Variants in TMEM108 observed in about 807,000 individuals in gnomAD.
The protein encoded by TMEM108 is cancer/testis antigen 124.
A neutral mutation model predicts 35.1 loss-of-function variants in TMEM108; 12 were observed. The ratio of observed to expected loss-of-function variants is 0.34; its 90% CI spans 0.22 to 0.55. TMEM108 has a LOEUF of 0.55. TMEM108 is among the 20% of genes least tolerant of loss of function. The pLI, the probability that TMEM108 is intolerant of heterozygous loss-of-function variation, is 0.89. For synonymous variants in TMEM108, 287 were observed against 308.6 expected (o/e 0.93, Z 0.73); for missense variants, 680 against 753.3 (o/e 0.90, Z 1.14).
At chr3:133,356,799 C>T (rs767211116) in intron 3 of TMEM108, among the ~76,000 whole-genome samples, 1 of 152,084 alleles carries the variant, frequency 6.6e-6, no homozygotes, top group Non-Finnish European at 1.5e-5. Flanking sequence ...CCCTATCCCT[C>T]GCCTTATACA....
chr3:133,276,966 G>C (rs1005839600), intron 3 of TMEM108, among the ~76,000 whole-genome samples: 1 of 152,160 alleles, frequency 6.6e-6, no homozygotes, highest in Non-Finnish European at 1.5e-5. Flanking sequence ...ATTCAGTGGG[G>C]TACACTCAGG....
intron 3 of TMEM108, among the ~76,000 whole-genome samples, chr3:133,286,007 G>C (rs112461965): frequency 0.01 from 1,586 of 152,306 alleles, 25 homozygotes; most frequent in African/African-American, 0.035. Flanking sequence ...AATATTTCCA[G>C]TTATAGCACA....
intron 2 of TMEM108, among the ~76,000 whole-genome samples, chr3:133,164,268 A>T (rs1945003676): frequency 6.6e-6 from 1 of 152,160 alleles, no homozygotes. Context: ...GGGAGCCAGG[A>T]TTTCTTACTG....
intron 3 of TMEM108, among the ~76,000 whole-genome samples, chr3:133,300,483 G>A (rs1708373): frequency 0.83 from 126,689 of 152,056 alleles, 52,957 homozygotes; most frequent in East Asian, 0.93. Flanking sequence ...AGTTGCAGAC[G>A]TGGAAATGAC....
chr3:133,245,900 C>T (rs1228518833), intron 3 of TMEM108, among the ~76,000 whole-genome samples: 1 of 149,526 alleles, frequency 6.7e-6, no homozygotes, highest in Non-Finnish European at 1.5e-5. Flanking sequence ...CCAATGTATT[C>T]AAAACATTAT....
At chr3:133,230,312 A>AGACAGGGC (rs1420110818) in intron 3 of TMEM108, among the ~76,000 whole-genome samples, 1 of 152,198 alleles carries the variant, frequency 6.6e-6, no homozygotes, top group Admixed American at 6.5e-5. Flanking sequence ...CACTTCATCT[A>AGACAGGGC]CAGACAGCAT....
At chr3:133,302,522 C>T (rs1408047787) in intron 3 of TMEM108, among the ~76,000 whole-genome samples, 2 of 146,326 alleles carry the variant, frequency 1.4e-5, no homozygotes, top group African/African-American at 2.5e-5. Flanking sequence ...CCCGGGTTCA[C>T]ACCATTCTCC....
chr3:133,344,014 A>G (rs2071741553), intron 3 of TMEM108, among the ~76,000 whole-genome samples: 1 of 151,886 alleles, frequency 6.6e-6, no homozygotes, highest in African/African-American at 2.4e-5. Context: ...TGCACTCTCC[A>G]TCCACAGAAA....
chr3:133,307,058 G>A (rs138431478), intron 3 of TMEM108, among the ~76,000 whole-genome samples: 20 of 152,204 alleles, frequency 1.3e-4, no homozygotes, highest in Non-Finnish European at 2.2e-4. Flanking sequence ...TTTAATGATT[G>A]CCATTCTAAC....
chr3:133,087,675 C>T (rs920001580), intron 2 of TMEM108, among the ~76,000 whole-genome samples: 6 of 152,168 alleles, frequency 3.9e-5, no homozygotes, highest in East Asian at 1.9e-4. Context: ...GGCTCCCTGG[C>T]GTTGTTGGTT....
rs528000026 is a variant in TMEM108, at chr3:133,191,447, T to C, written c.-46-37819T>C. Among the ~76,000 whole-genome samples, 3 of 152,316 alleles carry C rather than the reference T, an allele frequency of 2.0e-5. No individual in the cohort carries two copies. In the East Asian group the frequency reaches 5.8e-4, roughly 29 times the overall value. On this transcript the variant is annotated intron_variant, in intron 2 of 5. Transcript: ENST00000321871. ...TGGCAGGGTACGCTGGTTTATTCTATGGTAAAAATCAACCACAAAATAACA... is the reference window on the plus strand; with the variant it reads ...TGGCAGGGTACGCTGGTTTATTCTACGGTAAAAATCAACCACAAAATAACA...
intron 2 of TMEM108, among the ~76,000 whole-genome samples, chr3:133,071,255 A>G (rs1420304482): frequency 6.6e-6 from 1 of 152,124 alleles, no homozygotes; most frequent in Non-Finnish European, 1.5e-5. Context: ...TCTAAAGGCC[A>G]GAAGTCCAAG....
chr3:133,048,498 G>A (rs1403774890), intron 2 of TMEM108, among the ~76,000 whole-genome samples: 1 of 152,182 alleles, frequency 6.6e-6, no homozygotes, highest in Non-Finnish European at 1.5e-5. Flanking sequence ...CCATAACTCT[G>A]ACCTAGACCT....
At chr3:133,240,945 AAAAG>A (rs1019717389) in intron 3 of TMEM108, among the ~76,000 whole-genome samples, 2 of 152,218 alleles carry the variant, frequency 1.3e-5, no homozygotes, top group East Asian at 1.9e-4. Flanking sequence ...AAAAAAAAGA[AAAAG>A]AAATGTGAAA....
rs143994077 is a variant in TMEM108 at position 133,310,902 on chromosome 3, T to C, written c.41-68850T>C. ...TGTTTAGTGCTTCCTTCAGGAGCTC[T>C]TGTAAGGCAGGCCTGGTTGTGACAA... is the stretch of plus-strand genomic sequence containing the variant. On this transcript the variant is annotated intron_variant, in intron 3 of 5. Coordinates refer to ENST00000321871, the MANE Select transcript of TMEM108 (RefSeq NM_023943.4). 2.2e-3 allele frequency among the ~76,000 whole-genome samples: 338 copies of C among 152,328 alleles called. 2 individuals are homozygous for C. In the East Asian group the frequency reaches 0.037, roughly 17 times the overall value.
chr3:133,204,860 A>G lies in TMEM108; in HGVS notation c.-46-24406A>G, dbSNP rs138622108. ...AGTTCAAGTCCTGAATATCCTTGTT[A>G]ATTTATTGTCTCATTGATCTGTCTA... On this transcript the variant is annotated intron_variant, in intron 2 of 5. Transcript: ENST00000321871. 9.3e-3 allele frequency among the ~76,000 whole-genome samples: 1,408 copies of G among 152,186 alleles called. 18 individuals carry two copies. Among genetic ancestry groups the G allele is most frequent in the African/African-American group, 0.032 (1,339 of 41,514 alleles).
At chr3:133,223,184 C>T (rs966332343) in intron 2 of TMEM108, among the ~76,000 whole-genome samples, 6 of 152,132 alleles carry the variant, frequency 3.9e-5, no homozygotes, top group South Asian at 2.1e-4. Context: ...GGTGTCTGTG[C>T]GTTTGAAGAA....
intron 3 of TMEM108, among the ~76,000 whole-genome samples, chr3:133,234,264 G>C (rs959457939): frequency 3.9e-4 from 59 of 152,172 alleles, no homozygotes; most frequent in African/African-American, 1.1e-3. Flanking sequence ...CATATGGCTA[G>C]CCAGTTTTCC....
In TMEM108 at chr3:133,380,168, C is replaced by T; in HGVS notation, c.457C>T (p.Pro153Ser). Residue 153 changes from proline to serine, a missense_variant, in exon 4 of 6, where the codon CCC becomes TCC. By Grantham distance (74) the Pro-to-Ser change is moderately conservative. Around this residue, in one of 3 missense-constraint regions of TMEM108, gnomAD observed 526 missense variants for 532.1 expected, o/e 0.99. Coordinates refer to ENST00000321871, the MANE Select transcript of TMEM108 (RefSeq NM_023943.4). This position sits in a 1 kb window ranked among gnomAD's most constrained non-coding sequence, Gnocchi z 5.3. ...LTKPPGATSR[P>S]TTAPPRTTTR... is the part of the protein sequence containing the mutation. ...AAAGCCACCGGGGGCCACCAGCCGC[C>T]CCACCACAGCGCCCCCCCGCACTAC... 1 of 1,612,788 alleles carries T rather than the reference C, an allele frequency of 6.2e-7. No homozygotes were observed. The highest frequency in any genetic ancestry group is 8.5e-7 in the Non-Finnish European group (1 of 1,179,424).
Sources: allele counts gnomAD v4.1 joint callset (sites outside exome capture counted in the v4.1 genomes callset), GRCh38; gene constraint gnomAD v4.1.1; regional missense constraint gnomAD v4.1.1; non-coding constraint Gnocchi (gnomAD v3.1); transcripts MANE v1.5; gene names NCBI Gene and HGNC (gene_info 2026-07-23, HGNC 2026-07-21).